RAPGEF6: variants seen among roughly 807,000 people sequenced by gnomAD.
RAPGEF6 encodes Rap guanine nucleotide exchange factor 6, also known as PDZ domain containing guanine nucleotide exchange factor (GEF) 2.
RAPGEF6 carries 56 observed loss-of-function variants against 171.4 expected under a neutral mutation model. That is an observed-to-expected ratio of 0.33 (90% confidence interval 0.26 to 0.41). RAPGEF6 has a LOEUF of 0.41. Ranked by LOEUF, RAPGEF6 falls within the 10% of genes least tolerant of loss-of-function variation. RAPGEF6 has a pLI of 1.00. For synonymous variants in RAPGEF6, 692 were observed against 650.1 expected, an observed-to-expected ratio of 1.06 and a Z score of -0.98; for missense variants, 1,674 against 1,921.4, an observed-to-expected ratio of 0.87 and a Z score of 2.41.
chr5:131,557,477 A>C (rs1761308947), intron 5 of RAPGEF6, among the ~76,000 whole-genome samples: 2 of 152,166 alleles, frequency 1.3e-5, no homozygotes, highest in Non-Finnish European at 2.9e-5. Context: ...CACTTAGGTA[A>C]TTTGGGGTTT....
At chr5:131,427,361 T>C in intron 27 of RAPGEF6, 70 bp from the exon 28 acceptor site, 1 of 1,323,748 alleles carries the variant, frequency 7.6e-7, no homozygotes, top group Non-Finnish European at 1.0e-6. Context: ...TCTAGTTATC[T>C]ATTTAGAAAA....
At chr5:131,506,831 A>G (rs1757400108) in intron 9 of RAPGEF6, among the ~76,000 whole-genome samples, 1 of 152,172 alleles carries the variant, frequency 6.6e-6, no homozygotes, top group South Asian at 2.1e-4. Context: ...CACTCCATTC[A>G]GTTGTTTAAA....
chr5:131,430,718 ATAAC>A (rs749298932), intron 26 of RAPGEF6, 137 bp downstream of exon 26: 1 of 1,214,150 alleles, frequency 8.2e-7, no homozygotes, highest in Admixed American at 1.7e-5. Context: ...TTTTTGGGAA[ATAAC>A]TTGTTTGTTT....
At chr5:131,548,987 C>T (rs1410383432) in intron 5 of RAPGEF6, among the ~76,000 whole-genome samples, 1 of 151,950 alleles carries the variant, frequency 6.6e-6, no homozygotes, top group South Asian at 2.1e-4. Context: ...TCAACTGAGC[C>T]CAGGAGTTCA....
At chr5:131,554,670 C>A (rs190401996) in intron 5 of RAPGEF6, among the ~76,000 whole-genome samples, 3 of 152,124 alleles carry the variant, frequency 2.0e-5, no homozygotes, top group Admixed American at 2.0e-4. Flanking sequence ...GAGGCGCCTA[C>A]CACACCTGGC....
chr5:131,556,942 A>T (rs970501705), intron 5 of RAPGEF6, among the ~76,000 whole-genome samples: 4 of 152,054 alleles, frequency 2.6e-5, no homozygotes, highest in Admixed American at 6.6e-5. Context: ...CACATTTGTT[A>T]AGTTTAATCT....
chr5:131,429,398 T>C (rs1751562333), intron 26 of RAPGEF6, among the ~76,000 whole-genome samples, 182 bp from the exon 27 acceptor site: 1 of 152,138 alleles, frequency 6.6e-6, no homozygotes, highest in Admixed American at 6.5e-5. Flanking sequence ...CTTTTTAAAA[T>C]ACATAAACAA....
At chr5:131,541,721 T>C (rs892000354) in intron 6 of RAPGEF6, among the ~76,000 whole-genome samples, 15 of 152,198 alleles carry the variant, frequency 9.9e-5, no homozygotes, top group African/African-American at 3.6e-4. Flanking sequence ...ACATAGGTAA[T>C]GTATTTAAAA....
chr5:131,456,301 T>TA (rs1040491114), intron 19 of RAPGEF6, among the ~76,000 whole-genome samples: 2 of 152,064 alleles, frequency 1.3e-5, no homozygotes, highest in Admixed American at 1.3e-4. Context: ...ACATTTAAAT[T>TA]AAAAAAAACT....
At chr5:131,463,960 T>C (rs1216411187) in intron 18 of RAPGEF6, 81 bp downstream of exon 18, 1 of 1,494,892 alleles carries the variant, frequency 6.7e-7, no homozygotes, top group Non-Finnish European at 8.9e-7. Context: ...TGATAATGTT[T>C]CTACTTACAA....
intron 1 of RAPGEF6, among the ~76,000 whole-genome samples, chr5:131,616,694 A>T (rs1765282030): frequency 6.6e-6 from 1 of 152,126 alleles, no homozygotes; most frequent in Admixed American, 6.5e-5. Context: ...GTACAGTGGC[A>T]CAATCACGAC....
rs376096619 is a variant in RAPGEF6 at position 131,425,886 on chromosome 5, CTTTTTTTTTTTT to C, written c.*1368_*1379del. The C allele has an allele frequency of 1.3e-4, 11 of 84,432 alleles. No individual in the cohort carries two copies. The highest frequency in any genetic ancestry group is 1.8e-4 in the Non-Finnish European group (8 of 43,972). 5.2% of individuals were successfully genotyped at this position (84,432 alleles called of 1,614,324 possible). A position where few individuals can be genotyped will look rare whatever the true frequency, so the allele number is the denominator to read the frequency against. Reference sequence around the variant, plus strand: ...GGGTAGTGCACGTTAATGGCTTTGGCTTTTTTTTTTTTTTTTTTTTTGGTAATTACAGAAGTT... The same window carrying C: ...GGGTAGTGCACGTTAATGGCTTTGGCTTTTTTTTTGGTAATTACAGAAGTT... On this transcript the variant is annotated 3_prime_UTR_variant, in exon 28 of 28. Coordinates refer to ENST00000509018, the MANE Select transcript of RAPGEF6 (RefSeq NM_016340.6).
chr5:131,499,550 C>T (rs1756873609), intron 11 of RAPGEF6, among the ~76,000 whole-genome samples: 1 of 125,200 alleles, frequency 8.0e-6, no homozygotes, highest in Admixed American at 1.1e-4. Context: ...CACTGCACTC[C>T]AGCTGGGGCG....
intron 21 of RAPGEF6, among the ~76,000 whole-genome samples, chr5:131,451,467 T>G (rs184206218): frequency 6.6e-6 from 1 of 150,878 alleles, no homozygotes; most frequent in African/African-American, 2.4e-5. Context: ...CATGCACCTG[T>G]AGCCCCAGTT....
At chr5:131,456,116 G>A in intron 19 of RAPGEF6, 104 bp from the exon 20 acceptor site, 50 of 741,580 alleles carry the variant, frequency 6.7e-5, no homozygotes, top group South Asian at 1.6e-4. Flanking sequence ...AAATAAGCAG[G>A]GACATATTTT....
At chr5:131,469,808 A>C in intron 17 of RAPGEF6, 1 of 1,522,706 alleles carries the variant, frequency 6.6e-7, no homozygotes, top group South Asian at 1.2e-5. Flanking sequence ...TACAATAAAA[A>C]CCAACAGCTG....
intron 6 of RAPGEF6, among the ~76,000 whole-genome samples, chr5:131,540,948 T>C (rs932488668): frequency 6.6e-6 from 1 of 152,134 alleles, no homozygotes; most frequent in African/African-American, 2.4e-5. Context: ...ACCATTGCAC[T>C]CCAGCCCGGG....
At chr5:131,617,457 C>T (rs901622720) in intron 1 of RAPGEF6, among the ~76,000 whole-genome samples, 1 of 152,162 alleles carries the variant, frequency 6.6e-6, no homozygotes, top group African/African-American at 2.4e-5. Context: ...TGAACACAAA[C>T]GATTGTTTTT....
rs112455083 is a variant in RAPGEF6 at position 131,519,003 on chromosome 5, T to C, written c.627+2387A>G. ...ATAAGGTCAGAAAAGAGATTGGTGG[T>C]TGCCAGGGCATAGGATAGGGGTCAG... On this transcript the variant is annotated intron_variant, in intron 7 of 27. Transcript: ENST00000509018. Among the ~76,000 whole-genome samples the C allele has an allele frequency of 1.8e-3, 267 of 152,288 alleles. 1 individual carries two copies. Among genetic ancestry groups the C allele is most frequent in the African/African-American group, 5.8e-3 (239 of 41,552 alleles).
Sources: allele counts gnomAD v4.1 joint callset (sites outside exome capture counted in the v4.1 genomes callset), GRCh38; gene constraint gnomAD v4.1.1; transcripts MANE v1.5; gene names NCBI Gene and HGNC (gene_info 2026-07-23, HGNC 2026-07-21).